Variants in NCOA1 observed in about 807,000 individuals in gnomAD.
NCOA1 encodes nuclear receptor coactivator 1.
In NCOA1, 35 loss-of-function variants were observed where a neutral mutation model predicts 150.9. The ratio of observed to expected loss-of-function variants is 0.23; its 90% confidence interval spans 0.18 to 0.31. The LOEUF (loss-of-function observed/expected upper bound fraction) is 0.31. Ranked by LOEUF, NCOA1 falls within the 10% of genes least tolerant of loss-of-function variation. The pLI is 1.00. For synonymous variants in NCOA1, 590 were observed against 630.0 expected (o/e 0.94, Z 0.95); for missense variants, 1,491 against 1,749.3 (o/e 0.85, Z 2.63).
chr2:24,691,715 A>G (rs1558291035), intron 9 of NCOA1, 55 bp downstream of exon 9: 1 of 1,557,448 alleles, frequency 6.4e-7, no homozygotes, highest in South Asian at 1.2e-5. Flanking sequence ...TTTAAGGAAA[A>G]GAGAGGAAAT....
Position 24,768,063 on chromosome 2 carries a change from G to A in NCOA1, c.4156-158G>A, listed in dbSNP as rs1015375625. The A allele has an allele frequency of 4.3e-6, 7 of 1,612,844 alleles. No individual in the cohort carries two copies. The East Asian group carries it at 6.7e-5, about 15-fold the overall frequency. On this transcript the variant is annotated intron_variant, in intron 22 of 22. Coordinates refer to ENST00000348332, the MANE Select transcript of NCOA1 (RefSeq NM_003743.5). ...GAACCCTGAGCAAAATGAGTGCAGC[G>A]ATTTTCTTTTTGTAGGACAAGAAGA...
At chr2:24,699,035 A>T (rs926671243) in intron 11 of NCOA1, among the ~76,000 whole-genome samples, 1 of 152,148 alleles carries the variant, frequency 6.6e-6, no homozygotes, top group Non-Finnish European at 1.5e-5. Context: ...TGTATTTTTT[A>T]AAAGTTTCCC....
intron 4 of NCOA1, among the ~76,000 whole-genome samples, chr2:24,654,302 A>G (rs960793347): frequency 2.6e-5 from 4 of 152,166 alleles, no homozygotes; most frequent in East Asian, 1.9e-4. Context: ...CTAGGCTTCT[A>G]TATTTTCCTT....
chr2:24,538,717 C>G (rs1665267432), intron 1 of NCOA1, among the ~76,000 whole-genome samples: 1 of 152,122 alleles, frequency 6.6e-6, no homozygotes, highest in African/African-American at 2.4e-5. Flanking sequence ...TGCCCCTTCC[C>G]AGTTGCTCTG....
chr2:24,515,392 C>T (rs892841174), intron 1 of NCOA1, among the ~76,000 whole-genome samples: 3 of 151,938 alleles, frequency 2.0e-5, no homozygotes, highest in African/African-American at 7.3e-5. Flanking sequence ...ACTACCATGC[C>T]CAGCTAATAT....
intron 1 of NCOA1, among the ~76,000 whole-genome samples, chr2:24,499,302 C>A (rs1663356422): frequency 6.6e-6 from 1 of 152,026 alleles, no homozygotes; most frequent in Non-Finnish European, 1.5e-5. Flanking sequence ...ATCCTGCCAT[C>A]AACCTTAAAA....
chr2:24,608,366 C>T lies in NCOA1; in HGVS notation c.-175+23806C>T, dbSNP rs986028359. Among the ~76,000 whole-genome samples, 5 of 150,704 alleles carry T rather than the reference C, an allele frequency of 3.3e-5. No individual in the cohort carries two copies. In the East Asian group the frequency reaches 7.8e-4, roughly 23 times the overall value. The stretch of plus-strand genomic sequence containing the variant: ...TGCGATCTCTGCTCACTGCAATCTC[C>T]GCCTCCTGGGTTCAAGCAATTCTCC... On this transcript the variant is annotated intron_variant, in intron 3 of 22. Coordinates refer to ENST00000348332, the MANE Select transcript of NCOA1 (RefSeq NM_003743.5).
intron 1 of NCOA1, among the ~76,000 whole-genome samples, chr2:24,551,686 T>G (rs1017429451): frequency 6.6e-6 from 1 of 152,220 alleles, no homozygotes; most frequent in African/African-American, 2.4e-5. Context: ...AGAGACTGTT[T>G]GGCTCTCTGC....
chr2:24,646,428 A>AT, intron 4 of NCOA1, among the ~76,000 whole-genome samples: 1 of 152,296 alleles, frequency 6.6e-6, no homozygotes. Context: ...CTGTTATCTA[A>AT]TATATAGTTC....
At chr2:24,641,853 G>T (rs532706809) in intron 3 of NCOA1, among the ~76,000 whole-genome samples, 10 of 152,020 alleles carry the variant, frequency 6.6e-5, no homozygotes, top group Admixed American at 5.9e-4. Context: ...TATTTATTCT[G>T]AGTGGGATTT....
At position 24,706,765 on chromosome 2, in the gene NCOA1, G is replaced by A. The variant is rs780381258; in HGVS notation, c.1295G>A (p.Ser432Asn). 6.2e-7 allele frequency: 1 copy of A among 1,614,198 alleles called. No homozygotes were observed. ...TCAGACCTTCATAGCAGCAGTCATA[G>A]TAATTCTAGCAACAGCCAAGGAAGT... Reference protein sequence around the residue: ...QSSDLHSSSHSNSSNSQGSFG... With the variant: ...QSSDLHSSSHNNSSNSQGSFG... The change falls in exon 13 of 23, where the codon AGT (serine) becomes AAT (asparagine). Residue 432 changes from serine (S) to asparagine (N), a missense_variant. By Grantham distance (46) the Ser-to-Asn change is conservative. Around this residue, in one of 8 missense-constraint regions of NCOA1, gnomAD observed 703 missense variants for 717.7 expected, o/e 0.98. Coordinates refer to ENST00000348332, the MANE Select transcript of NCOA1 (RefSeq NM_003743.5).
At chr2:24,731,448 G>A (rs1472385715) in intron 17 of NCOA1, among the ~76,000 whole-genome samples, 1 of 152,112 alleles carries the variant, frequency 6.6e-6, no homozygotes, top group African/African-American at 2.4e-5. Context: ...GCATATTGTA[G>A]CAGTTGATAA....
intron 14 of NCOA1, among the ~76,000 whole-genome samples, chr2:24,724,044 ATT>A (rs1269436689): frequency 6.6e-6 from 1 of 152,046 alleles, no homozygotes; most frequent in African/African-American, 2.4e-5. Context: ...AAATTTTTAA[ATT>A]ATTTCTTAAT....
chr2:24,718,779 G>A (rs1445323161), intron 14 of NCOA1, among the ~76,000 whole-genome samples: 1 of 149,050 alleles, frequency 6.7e-6, no homozygotes, highest in Non-Finnish European at 1.5e-5. Flanking sequence ...TGAGGCAGGA[G>A]AATGGCCTGA....
At position 24,725,374 on chromosome 2, in the gene NCOA1, G is replaced by T. The variant is rs147912196; in HGVS notation, c.2600-1215G>T. 3.2e-3 allele frequency among the ~76,000 whole-genome samples: 481 copies of T among 152,088 alleles called. 1 individual carries two copies. The highest frequency in any genetic ancestry group is 0.011 in the African/African-American group (457 of 41,492). On this transcript the variant is annotated intron_variant, in intron 14 of 22. Transcript: ENST00000348332. ...GGTTTCTTCTGAGGCTTCTTTCCTT[G>T]GCTTGGAGATGGCCCTCTTCTCTCT...
intron 15 of NCOA1, among the ~76,000 whole-genome samples, chr2:24,727,662 T>G (rs1251693590): frequency 6.6e-6 from 1 of 152,240 alleles, no homozygotes; most frequent in East Asian, 1.9e-4. Flanking sequence ...TTATTAGGAT[T>G]AGTATTATTT....
intron 3 of NCOA1, among the ~76,000 whole-genome samples, chr2:24,588,056 G>C (rs1667490664): frequency 6.6e-6 from 1 of 151,994 alleles, no homozygotes; most frequent in Admixed American, 6.6e-5. Flanking sequence ...CCCGCTTGCT[G>C]TGGTGAGTGA....
intron 2 of NCOA1, among the ~76,000 whole-genome samples, chr2:24,569,893 A>G (rs1666672338): frequency 6.6e-6 from 1 of 151,364 alleles, no homozygotes; most frequent in Non-Finnish European, 1.5e-5. Flanking sequence ...AAAAAAAAAG[A>G]ATTTGTATTA....
At chr2:24,557,367 TA>T (rs1666112800) in intron 1 of NCOA1, among the ~76,000 whole-genome samples, 1 of 152,194 alleles carries the variant, frequency 6.6e-6, no homozygotes, top group Non-Finnish European at 1.5e-5. Context: ...TATATGTTAC[TA>T]ACCCTACAAT....
Sources: gnomAD v4.1 joint callset for allele counts (sites outside exome capture counted in the v4.1 genomes callset) on GRCh38, gnomAD v4.1.1 for gene constraint, gnomAD v4.1.1 regional missense constraint, MANE v1.5 for transcripts, NCBI Gene and HGNC (gene_info 2026-07-23, HGNC 2026-07-21) for gene names.